IL10RB: variants seen among roughly 807,000 people sequenced by gnomAD.
The protein encoded by IL10RB is interleukin-10 receptor subunit beta.
A neutral mutation model predicts 38.7 loss-of-function variants in IL10RB; 30 were observed. That is an observed-to-expected ratio of 0.78 (90% CI 0.58 to 1.05). The LOEUF (loss-of-function observed/expected upper bound fraction) is 1.05, where lower values mean the gene tolerates loss of function less well. IL10RB is among the 50% of genes least tolerant of loss of function. The pLI, the probability that IL10RB is intolerant of heterozygous loss-of-function variation, is 0.00. For missense variants in IL10RB, 328 were observed against 397.1 expected, an observed-to-expected ratio of 0.83 and a Z score of 1.48; for synonymous variants, 142 against 145.9, an observed-to-expected ratio of 0.97 and a Z score of 0.19.
intron 4 of IL10RB, among the ~76,000 whole-genome samples, chr21:33,280,925 T>G (rs2843706): frequency 1.3e-5 from 2 of 152,028 alleles, no homozygotes; most frequent in African/African-American, 2.4e-5. Context: ...GTCTTAGTCC[T>G]TTCCTGCTGC....
intron 6 of IL10RB, among the ~76,000 whole-genome samples, chr21:33,290,121 A>T (rs953971989): frequency 2.2e-4 from 33 of 151,726 alleles, no homozygotes; most frequent in Non-Finnish European, 3.7e-4. Flanking sequence ...CTCAAAAAAA[A>T]AAAATACAAA....
Position 33,279,789 on chromosome 21 carries a change from T to C in IL10RB, c.369T>C (p.Leu123=). Reference sequence around the variant, plus strand: ...CCCCTGGAATGCAAGTAGAAGTACTTGCTGATTCTTTACATATGCGTTTCT... The same window carrying C: ...CCCCTGGAATGCAAGTAGAAGTACTCGCTGATTCTTTACATATGCGTTTCT... ...IGPPGMQVEV[L]ADSLHMRFLA... Residue 123 remains leucine, a synonymous_variant, in exon 4 of 7, where the codon CTT becomes CTC. Coordinates refer to ENST00000290200, the MANE Select transcript of IL10RB (RefSeq NM_000628.5). The C allele has an allele frequency of 6.2e-7, 1 of 1,614,028 alleles. No homozygotes were observed. The highest frequency in any genetic ancestry group is 8.5e-7 in the Non-Finnish European group (1 of 1,179,852).
At position 33,279,924 on chromosome 21, in the gene IL10RB, G is replaced by T; in HGVS notation, c.498+6G>T. On this transcript the variant is annotated splice_donor_region_variant and intron_variant, in intron 4 of 6. Coordinates refer to ENST00000290200, the MANE Select transcript of IL10RB (RefSeq NM_000628.5). ...AAAACGGTACTGATGAAAAGGTAAG[G>T]TTGGCTAATTGCATTTCAGAGGTAG... The T allele has an allele frequency of 1.2e-6, 2 of 1,612,584 alleles. No homozygotes were observed. Among genetic ancestry groups the T allele is most frequent in the Middle Eastern group, 1.7e-4 (1 of 6,056 alleles).
chr21:33,294,727 G>A (rs1989557099), intron 6 of IL10RB, among the ~76,000 whole-genome samples: 1 of 152,200 alleles, frequency 6.6e-6, no homozygotes, highest in East Asian at 1.9e-4. Context: ...ATGACATTAA[G>A]AGGGGTTCCA....
intron 3 of IL10RB, 140 bp from the exon 4 acceptor site, chr21:33,279,612 A>ATT (rs1457831929): frequency 1.3e-6 from 1 of 756,222 alleles, no homozygotes; most frequent in African/African-American, 1.7e-5. Flanking sequence ...CTTCTTAGCC[A>ATT]TGTCAATCAA....
chr21:33,268,193 GC>G, intron 1 of IL10RB, 200 bp from the exon 2 acceptor site: 2 of 1,468,278 alleles, frequency 1.4e-6, no homozygotes, highest in Non-Finnish European at 1.8e-6. Context: ...TTTTACTCCT[GC>G]CCCTCCAGAA....
At chr21:33,293,203 C>A (rs897119338) in intron 6 of IL10RB, among the ~76,000 whole-genome samples, 2 of 152,184 alleles carry the variant, frequency 1.3e-5, no homozygotes, top group Admixed American at 6.5e-5. Flanking sequence ...CAATGCCTTG[C>A]CACTTCTTGG....
intron 2 of IL10RB, among the ~76,000 whole-genome samples, chr21:33,272,890 C>T (rs1336001953): frequency 6.6e-6 from 1 of 152,202 alleles, no homozygotes; most frequent in Non-Finnish European, 1.5e-5. Context: ...CATCTCTTTT[C>T]TTCCACTTCA....
chr21:33,288,341 C>A, intron 6 of IL10RB, 80 bp downstream of exon 6: 1 of 1,200,610 alleles, frequency 8.3e-7, no homozygotes, highest in South Asian at 1.2e-5. Flanking sequence ...CTGCCCAATT[C>A]CAGACAACAT....
chr21:33,279,631 C>A (rs1412936179), intron 3 of IL10RB, 121 bp from the exon 4 acceptor site: 2 of 838,186 alleles, frequency 2.4e-6, no homozygotes, highest in Non-Finnish European at 4.1e-6. Flanking sequence ...AATGTCATGA[C>A]AATAGTATAT....
At chr21:33,303,802 A>G (rs898335054) in intron 1 of IL10RB, among the ~76,000 whole-genome samples, 4 of 152,218 alleles carry the variant, frequency 2.6e-5, no homozygotes, top group Non-Finnish European at 5.9e-5. Flanking sequence ...GGCCTTTGGC[A>G]GGAGGAGGGA....
chr21:33,304,335 T>C (rs1194678512), intron 1 of IL10RB, among the ~76,000 whole-genome samples: 5 of 152,128 alleles, frequency 3.3e-5, no homozygotes, highest in African/African-American at 1.2e-4. Flanking sequence ...CTAAGCCCAG[T>C]TGAACAGCCA....
chr21:33,302,048 G>A (rs2082987255), downstream of IL10RB, among the ~76,000 whole-genome samples: 1 of 152,210 alleles, frequency 6.6e-6, no homozygotes, highest in Non-Finnish European at 1.5e-5. Context: ...TTCTCATCTT[G>A]CCAGCAGACT....
intron 3 of IL10RB, among the ~76,000 whole-genome samples, chr21:33,277,406 G>A (rs1191190613): frequency 3.3e-5 from 5 of 151,760 alleles, no homozygotes; most frequent in African/African-American, 1.2e-4. Flanking sequence ...CCCTAAATAT[G>A]AGATGAGCAT....
chr21:33,302,106 A>C (rs143743000), downstream of IL10RB, among the ~76,000 whole-genome samples: 164 of 152,338 alleles, frequency 1.1e-3, 1 homozygote, highest in African/African-American at 3.8e-3. Flanking sequence ...GCAAGCTGCC[A>C]TATTGGAGAA....
chr21:33,299,438 C>A (rs959859579), downstream of IL10RB, among the ~76,000 whole-genome samples: 6 of 152,188 alleles, frequency 3.9e-5, no homozygotes, highest in African/African-American at 1.4e-4. Flanking sequence ...TTGAAAGATT[C>A]CCTGAGGGGA....
intron 6 of IL10RB, among the ~76,000 whole-genome samples, chr21:33,294,526 T>C (rs1289229896): frequency 2.0e-5 from 3 of 152,088 alleles, no homozygotes; most frequent in Non-Finnish European, 4.4e-5. Flanking sequence ...TTCTCATTAA[T>C]CCACTGGATC....
intron 2 of IL10RB, 84 bp from the exon 3 acceptor site, chr21:33,276,512 C>T (rs905697372): frequency 1.8e-6 from 2 of 1,088,654 alleles, no homozygotes. Flanking sequence ...CCGCGCCGCC[C>T]CCCCCTCCAA....
intron 1 of IL10RB, among the ~76,000 whole-genome samples, chr21:33,303,050 C>A (rs2082989826): frequency 6.6e-6 from 1 of 152,174 alleles, no homozygotes; most frequent in African/African-American, 2.4e-5. Flanking sequence ...TGCACGTGTG[C>A]CCAAGGCCTT....
Sources: gnomAD v4.1 joint callset for allele counts (sites outside exome capture counted in the v4.1 genomes callset) on GRCh38, gnomAD v4.1.1 for gene constraint, MANE v1.5 for transcripts, NCBI Gene and HGNC (gene_info 2026-07-23, HGNC 2026-07-21) for gene names.